LRRTM3: variants seen among roughly 807,000 people sequenced by gnomAD.
The protein encoded by LRRTM3 is leucine-rich repeat transmembrane neuronal protein 3.
Under a neutral mutation model 44.7 loss-of-function variants are expected in LRRTM3, and 24 were observed. That is an observed-to-expected ratio of 0.54 (90% CI 0.39 to 0.76). The LOEUF is 0.76. Ranked by LOEUF, LRRTM3 falls within the 30% of genes least tolerant of loss-of-function variation. The pLI, the probability that LRRTM3 is intolerant of heterozygous loss-of-function variation, is 0.00. For missense variants in LRRTM3, 587 were observed against 702.2 expected, an observed-to-expected ratio of 0.84 and a Z score of 1.85; for synonymous variants, 277 against 278.7, an observed-to-expected ratio of 0.99 and a Z score of 0.06.
rs745378026 is a variant in LRRTM3 at position 66,926,251 on chromosome 10, G to A, written c.-333G>A. On this transcript the variant is annotated 5_prime_UTR_variant, in exon 1 of 3. Coordinates refer to ENST00000361320, the MANE Select transcript of LRRTM3 (RefSeq NM_178011.5). Reference sequence around the variant, plus strand: ...TCATGTTTTTCGATAAGAAGAAATTGTAGGATCCAGTTTTTTTTTTAACCG... The same window carrying A: ...TCATGTTTTTCGATAAGAAGAAATTATAGGATCCAGTTTTTTTTTTAACCG... The A allele has an allele frequency of 2.0e-6, 1 of 494,296 alleles. No homozygotes were observed. The highest frequency in any genetic ancestry group is 2.0e-5 in the South Asian group (1 of 51,004). The allele number at this position is 494,296 out of a possible 1,614,324, so 30.6% of individuals were successfully genotyped here.
chr10:66,982,886 G>A (rs1447376307), intron 2 of LRRTM3, among the ~76,000 whole-genome samples: 1 of 152,136 alleles, frequency 6.6e-6, no homozygotes, highest in African/African-American at 2.4e-5. Flanking sequence ...GGAAGAAGGG[G>A]AGAAGCATAA....
chr10:67,019,171 C>G (rs993505300), intron 2 of LRRTM3, among the ~76,000 whole-genome samples: 1 of 152,158 alleles, frequency 6.6e-6, no homozygotes, highest in African/African-American at 2.4e-5. Flanking sequence ...ATATGGGTTA[C>G]TTCACATTTG....
intron 2 of LRRTM3, among the ~76,000 whole-genome samples, chr10:67,076,189 A>T (rs149091089): frequency 1.2e-3 from 190 of 152,340 alleles, no homozygotes; most frequent in Non-Finnish European, 2.1e-3. Context: ...AGAGAGCTAC[A>T]ATTTTTCCAG....
chr10:67,056,928 C>T (rs1437505521), intron 2 of LRRTM3, among the ~76,000 whole-genome samples: 1 of 152,130 alleles, frequency 6.6e-6, no homozygotes, highest in East Asian at 1.9e-4. Flanking sequence ...TCTGCTCATG[C>T]TCCTGGGTGC....
At chr10:67,049,603 G>A (rs959752263) in intron 2 of LRRTM3, among the ~76,000 whole-genome samples, 3 of 152,002 alleles carry the variant, frequency 2.0e-5, no homozygotes, top group African/African-American at 7.2e-5. Context: ...GAACAAAAAA[G>A]GGAAAATAAA....
At chr10:66,978,065 TATAC>T (rs1222690772) in intron 2 of LRRTM3, among the ~76,000 whole-genome samples, 4,409 of 41,702 alleles carry the variant, frequency 0.11, 369 homozygotes, top group East Asian at 0.6. Flanking sequence ...TATATATATA[TATAC>T]ACACACACAC....
chr10:67,029,141 C>T (rs1010084127), intron 2 of LRRTM3, among the ~76,000 whole-genome samples: 2 of 152,176 alleles, frequency 1.3e-5, no homozygotes, highest in Admixed American at 6.6e-5. Context: ...AGCATAATCA[C>T]CTCTTTTATT....
At chr10:66,972,700 ATTTT>A (rs56664927) in intron 2 of LRRTM3, among the ~76,000 whole-genome samples, 1,331 of 108,658 alleles carry the variant, frequency 0.012, 18 homozygotes, top group African/African-American at 0.037. Flanking sequence ...TGTCAAATAG[ATTTT>A]TTTTTTTTTT....
chr10:66,964,896 T>TA (rs919496771), intron 2 of LRRTM3, among the ~76,000 whole-genome samples: 5 of 152,196 alleles, frequency 3.3e-5, no homozygotes, highest in African/African-American at 1.2e-4. Context: ...CTGACTAATG[T>TA]AAAAAACCTG....
Position 67,052,310 on chromosome 10 carries a change from A to ATCTCTC in LRRTM3, c.1537-45275_1537-45274insTCTCTC, listed in dbSNP as rs1238182355. 3.8e-4 allele frequency among the ~76,000 whole-genome samples: 35 copies of ATCTCTC among 92,816 alleles called. 1 individual carries two copies. Among genetic ancestry groups the ATCTCTC allele is most frequent in the African/African-American group, 1.5e-3 (33 of 22,440 alleles). The allele number at this position is 92,816 out of a possible 152,430, so 60.9% of individuals were successfully genotyped here. On this transcript the variant is annotated intron_variant, in intron 2 of 2. Coordinates refer to ENST00000361320, the MANE Select transcript of LRRTM3 (RefSeq NM_178011.5). ...CACAGAAGAATCTTCACACCCACTCATCACTCTCTCTCTCTCTCTCTCTCT... is the reference window on the plus strand; with the variant it reads ...CACAGAAGAATCTTCACACCCACTCATCTCTCTCACTCTCTCTCTCTCTCTCTCTCT...
rs1847226775 is a variant in LRRTM3 at position 66,929,014 on chromosome 10, A to G, written c.1536+562A>G. On this transcript the variant is annotated intron_variant, in intron 2 of 2. Transcript: ENST00000361320. The stretch of plus-strand genomic sequence containing the variant: ...ACTATCAAAAGATGGTGCTAGGTTA[A>G]AGCAGCACCCTGAGCAGTTTCCAGA... Among the ~76,000 whole-genome samples, 6 of 152,338 alleles carry G rather than the reference A, an allele frequency of 3.9e-5. No homozygotes were observed. The South Asian group carries it at 1.2e-3, about 32-fold the overall frequency.
chr10:66,964,994 G>C (rs1668341386), intron 2 of LRRTM3, among the ~76,000 whole-genome samples: 1 of 152,214 alleles, frequency 6.6e-6, no homozygotes, highest in Non-Finnish European at 1.5e-5. Context: ...GATGAATTCT[G>C]CAATAAGATT....
At chr10:66,971,607 A>C (rs1026506434) in intron 2 of LRRTM3, among the ~76,000 whole-genome samples, 1 of 152,138 alleles carries the variant, frequency 6.6e-6, no homozygotes, top group African/African-American at 2.4e-5. Context: ...TATGTAATGC[A>C]CCTAGTAGAG....
At chr10:67,036,229 T>C (rs903812001) in intron 2 of LRRTM3, among the ~76,000 whole-genome samples, 2 of 152,072 alleles carry the variant, frequency 1.3e-5, no homozygotes, top group Admixed American at 1.3e-4. Flanking sequence ...CATGGCTCAC[T>C]GCAACCTCAA....
intron 2 of LRRTM3, among the ~76,000 whole-genome samples, chr10:67,093,038 T>G (rs892450497): frequency 6.6e-6 from 1 of 152,020 alleles, no homozygotes; most frequent in African/African-American, 2.4e-5. Context: ...AGAATTACCT[T>G]TCTTGGAAAA....
intron 2 of LRRTM3, among the ~76,000 whole-genome samples, chr10:67,061,627 G>C (rs745988005): frequency 6.6e-6 from 1 of 152,304 alleles, no homozygotes; most frequent in Non-Finnish European, 1.5e-5. Flanking sequence ...GAAGAGAAAG[G>C]ATGTTCCACA....
At position 66,966,176 on chromosome 10, in the gene LRRTM3, T is replaced by C. The variant is rs541502764; in HGVS notation, c.1536+37724T>C. On this transcript the variant is annotated intron_variant, in intron 2 of 2. Coordinates refer to ENST00000361320, the MANE Select transcript of LRRTM3 (RefSeq NM_178011.5). The stretch of plus-strand genomic sequence containing the variant: ...GCTTCTGACAGAAGACCTCAATAAA[T>C]GTTACATATTTTAACCATCAGCATT... 1.3e-3 allele frequency among the ~76,000 whole-genome samples: 200 copies of C among 152,304 alleles called. 2 individuals carry two copies. The highest frequency in any genetic ancestry group is 4.4e-3 in the African/African-American group (181 of 41,572).
intron 2 of LRRTM3, among the ~76,000 whole-genome samples, chr10:66,978,575 T>C (rs1243908547): frequency 2.1e-5 from 2 of 93,734 alleles, no homozygotes; most frequent in Non-Finnish European, 4.7e-5. Flanking sequence ...ATATATAGTA[T>C]GGTGTACTTA....
chr10:67,009,975 G>C (rs571221403), intron 2 of LRRTM3, among the ~76,000 whole-genome samples: 20 of 152,232 alleles, frequency 1.3e-4, no homozygotes, highest in African/African-American at 4.3e-4. Context: ...TTCTAGTATA[G>C]ATTCTTCTTC....
Sources: allele counts gnomAD v4.1 joint callset (sites outside exome capture counted in the v4.1 genomes callset), GRCh38; gene constraint gnomAD v4.1.1; transcripts MANE v1.5; gene names NCBI Gene and HGNC (gene_info 2026-07-23, HGNC 2026-07-21).